STX1B: variants seen among roughly 807,000 people sequenced by gnomAD.
STX1B encodes the protein syntaxin 1B.
A neutral mutation model predicts 39.4 loss-of-function variants in STX1B; 7 were observed. That is an observed-to-expected ratio of 0.18 (90% confidence interval 0.10 to 0.33). The LOEUF (loss-of-function observed/expected upper bound fraction) is 0.33, where lower values mean the gene tolerates loss of function less well. Ranked by LOEUF, STX1B falls within the 10% of genes least tolerant of loss-of-function variation. The pLI is 1.00. For synonymous variants in STX1B, 136 were observed against 144.1 expected, an observed-to-expected ratio of 0.94 and a Z score of 0.40; for missense variants, 198 against 383.2, an observed-to-expected ratio of 0.52 and a Z score of 4.04.
intron 1 of STX1B, among the ~76,000 whole-genome samples, chr16:31,002,591 G>A (rs1038984003): frequency 1.3e-5 from 2 of 152,188 alleles, no homozygotes; most frequent in African/African-American, 2.4e-5. Flanking sequence ...CAGCTTCTCC[G>A]AGCCTCATGT....
At chr16:30,997,242 G>C (rs1395455116) in intron 5 of STX1B, among the ~76,000 whole-genome samples, 183 bp from the exon 6 acceptor site, 2 of 152,168 alleles carry the variant, frequency 1.3e-5, no homozygotes, top group African/African-American at 4.8e-5. Context: ...ACAAGTTCAT[G>C]GTTCCCTACC....
At chr16:31,006,458 G>C (rs944076791) in intron 1 of STX1B, among the ~76,000 whole-genome samples, 1 of 152,222 alleles carries the variant, frequency 6.6e-6, no homozygotes, top group Non-Finnish European at 1.5e-5. Context: ...CTGGCGATGT[G>C]GTGGTGAAGA....
rs8060857 is a variant in STX1B at position 30,991,399 on chromosome 16, G to A, written c.*1422C>T. The A allele has an allele frequency of 0.53, 80,644 of 152,664 alleles. 23,638 individuals are homozygous for A. The highest frequency in any genetic ancestry group is 0.91 in the East Asian group (4,685 of 5,172). The allele number at this position is 152,664 out of a possible 1,614,324, so 9.5% of individuals were successfully genotyped here. On this transcript the variant is annotated 3_prime_UTR_variant, in exon 10 of 10. Transcript: ENST00000215095. ...GCTCTGCCTGCACAATGATGTAGCC[G>A]TGTGTGGCCACACCAGCACTGGGCA... is the stretch of plus-strand genomic sequence containing the variant.
chr16:30,996,900 G>A, intron 6 of STX1B, 51 bp downstream of exon 6: 1 of 1,574,976 alleles, frequency 6.3e-7, no homozygotes, highest in African/African-American at 1.3e-5. Context: ...CTGGAAGGGG[G>A]CTTGGGCAGC....
At position 31,001,031 on chromosome 16, in the gene STX1B, G is replaced by A. The variant is rs2143677463; in HGVS notation, c.206-29C>T. 2 of 1,614,086 alleles carry A rather than the reference G, an allele frequency of 1.2e-6. No individual in the cohort carries two copies. Among genetic ancestry groups the A allele is most frequent in the Non-Finnish European group, 1.7e-6 (2 of 1,179,912 alleles). ...AGGGGAGGGCGAGGGCAAGTGAGAT[G>A]TCTGGGTGGGAACCCCAGGCCCCTT... On this transcript the variant is annotated intron_variant, in intron 3 of 9. Coordinates refer to ENST00000215095, the MANE Select transcript of STX1B (RefSeq NM_052874.5). This position sits in a 1 kb window ranked among gnomAD's most constrained non-coding sequence, Gnocchi z 5.5.
At chr16:30,996,394 TTCCTCA>T (rs2056592121) in intron 7 of STX1B, 1 of 331,408 alleles carries the variant, frequency 3.0e-6, no homozygotes, top group Non-Finnish European at 5.6e-6. Flanking sequence ...TGGGCCAGTT[TTCCTCA>T]TCTGTGAAAT....
chr16:31,008,444 T>C (rs893626855), intron 1 of STX1B, among the ~76,000 whole-genome samples: 2 of 148,570 alleles, frequency 1.3e-5, no homozygotes, highest in East Asian at 2.1e-4. Context: ...TCCCTCCCTC[T>C]TTCTCGAATT....
intron 4 of STX1B, among the ~76,000 whole-genome samples, chr16:31,000,332 G>GTTTTT (rs55729102): frequency 8.1e-6 from 1 of 123,386 alleles, no homozygotes; most frequent in African/African-American, 3.0e-5. Context: ...TTTGTTTTTT[G>GTTTTT]TTTTTTTTTT....
rs2143676877 is a variant in STX1B, at chr16:31,000,749, C to T, written c.280+179G>A. ...TCGTGATTCACCCGCCTCGGCCTCC[C>T]AAACTGGCCCAGCTAATTTTTGTAT... On this transcript the variant is annotated intron_variant, in intron 4 of 9. Transcript: ENST00000215095. The T allele has an allele frequency of 4.5e-6, 3 of 660,010 alleles. No homozygotes were observed. The Admixed American group carries it at 8.0e-5, about 18-fold the overall frequency. The allele number at this position is 660,010 out of a possible 1,614,324, so 40.9% of individuals were successfully genotyped here.
At position 30,989,677 on chromosome 16, in the gene STX1B, G is replaced by C. The variant is rs568263888; in HGVS notation, c.*3144C>G. 3.3e-5 allele frequency: 5 copies of C among 152,602 alleles called. No homozygotes were observed. Among genetic ancestry groups the C allele is most frequent in the African/African-American group, 1.2e-4 (5 of 41,566 alleles). 9.5% of individuals were successfully genotyped at this position (152,602 alleles called of 1,614,324 possible). A position where few individuals can be genotyped will look rare whatever the true frequency, so the allele number is the denominator to read the frequency against. On this transcript the variant is annotated 3_prime_UTR_variant, in exon 10 of 10. Coordinates refer to ENST00000215095, the MANE Select transcript of STX1B (RefSeq NM_052874.5). ...AGGGGCGGTTAGGGGAAAGGGAGCC[G>C]GGGCCACCCATCTTGTCCTCTGCAG...
In STX1B at chr16:31,000,909, G is replaced by C; in HGVS notation, c.280+19C>G. On this transcript the variant is annotated intron_variant, in intron 4 of 9. Coordinates refer to ENST00000215095, the MANE Select transcript of STX1B (RefSeq NM_052874.5). ...CCCACAATTCTTTTCCTTCCTGGTT[G>C]AGGGATTGTACTCCTCACCTTTCAA... The C allele has an allele frequency of 1.2e-6, 2 of 1,613,734 alleles. No homozygotes were observed. The highest frequency in any genetic ancestry group is 1.7e-6 in the Non-Finnish European group (2 of 1,179,638).
intron 4 of STX1B, among the ~76,000 whole-genome samples, chr16:30,998,464 C>T (rs943524444): frequency 2.0e-5 from 3 of 152,234 alleles, no homozygotes; most frequent in African/African-American, 4.8e-5. Context: ...ATATTGGAAT[C>T]GGCTGGCCCA....
At chr16:30,993,592 T>C in intron 7 of STX1B, 108 bp from the exon 8 acceptor site, 3 of 1,332,620 alleles carry the variant, frequency 2.3e-6, no homozygotes, top group South Asian at 1.3e-5. Context: ...GCTGAAACCT[T>C]AGGCACATTA....
rs1031163391 is a variant in STX1B at position 31,001,410 on chromosome 16, C to A, written c.105+119G>T. On this transcript the variant is annotated intron_variant, in intron 2 of 9. Transcript: ENST00000215095. This position sits in a 1 kb window ranked among gnomAD's most constrained non-coding sequence, Gnocchi z 5.5. The stretch of plus-strand genomic sequence containing the variant: ...TGCGGCTGGGCGGTGGGACTAGGGG[C>A]TGGGGCTGGGTGCTGGGGCTGGGGC... The A allele has an allele frequency of 1.3e-6, 1 of 769,828 alleles. No individual in the cohort carries two copies. Among genetic ancestry groups the A allele is most frequent in the African/African-American group, 2.1e-5 (1 of 48,092 alleles). The allele number at this position is 769,828 out of a possible 1,614,324, so 47.7% of individuals were successfully genotyped here.
At position 30,992,489 on chromosome 16, in the gene STX1B, C is replaced by A. The variant is rs2056564883; in HGVS notation, c.*332G>T. 6.8e-6 allele frequency: 2 copies of A among 296,074 alleles called. No individual in the cohort carries two copies. Among genetic ancestry groups the A allele is most frequent in the South Asian group, 5.1e-5 (1 of 19,430 alleles). The allele number at this position is 296,074 out of a possible 1,614,324, so 18.3% of individuals were successfully genotyped here. A position where few individuals can be genotyped will look rare whatever the true frequency, so the allele number is the denominator to read the frequency against. The stretch of plus-strand genomic sequence containing the variant: ...GGGGGAAGCTCAGACCACGCACACA[C>A]ACCCAAGGTGGGGGTGGAGGGGGTG... On this transcript the variant is annotated 3_prime_UTR_variant, in exon 10 of 10. Transcript: ENST00000215095.
Position 30,993,123 on chromosome 16 carries a change from C to T in STX1B, c.786+7G>A, listed in dbSNP as rs201785193. The T allele has an allele frequency of 1.4e-4, 225 of 1,613,828 alleles. No homozygotes were observed. The African/African-American group carries it at 2.6e-3, about 19-fold the overall frequency. ...CCGCCTACCCCCAGGCCGCCTGCCC[C>T]GCTCACCCTCCGGGCCTTGCTCTGA... On this transcript the variant is annotated splice_region_variant and intron_variant, in intron 9 of 9. Transcript: ENST00000215095.
chr16:30,997,022 G>T lies in STX1B; in HGVS notation c.392C>A (p.Thr131Asn). ...TLSRKFVEVM[T>N]EYNATQSKYR... ...CTTGGACTGGGTCGCGTTATATTCG[G>T]TCATTACCTCCACGAACTTCCGGGA... Residue 131 changes from threonine (T) to asparagine (N), a missense_variant, in exon 6 of 10, where the codon ACC becomes AAC. Thr to Asn is a moderately conservative substitution (Grantham distance 65). Transcript: ENST00000215095. The T allele has an allele frequency of 6.2e-7, 1 of 1,612,802 alleles. No individual in the cohort carries two copies. The highest frequency in any genetic ancestry group is 8.5e-7 in the Non-Finnish European group (1 of 1,179,716).
At position 30,993,258 on chromosome 16, in the gene STX1B, A is replaced by G. The variant is rs2056573188; in HGVS notation, c.676-18T>C. 4 of 1,613,720 alleles carry G rather than the reference A, an allele frequency of 2.5e-6. No individual in the cohort carries two copies. The highest frequency in any genetic ancestry group is 2.5e-6 in the Non-Finnish European group (3 of 1,179,714). On this transcript the variant is annotated intron_variant, in intron 8 of 9. Coordinates refer to ENST00000215095, the MANE Select transcript of STX1B (RefSeq NM_052874.5). ...ATCTCTCCCTGCAGACAGAGGAGAC[A>G]TGCACAGGGAGGGATGGGGGCTGGG...
At chr16:31,005,818 G>A (rs1314019971) in intron 1 of STX1B, among the ~76,000 whole-genome samples, 1 of 152,152 alleles carries the variant, frequency 6.6e-6, no homozygotes, top group East Asian at 1.9e-4. Context: ...GTGCCCCTGA[G>A]CCCCTTCCAG....
Sources: gnomAD v4.1 joint callset for allele counts (sites outside exome capture counted in the v4.1 genomes callset) on GRCh38, gnomAD v4.1.1 for gene constraint, Gnocchi (gnomAD v3.1) non-coding constraint, MANE v1.5 for transcripts, NCBI Gene and HGNC (gene_info 2026-07-23, HGNC 2026-07-21) for gene names.